The following HNRNPUL2 variants were observed in gnomAD, a reference collection of about 807,000 sequenced individuals.
HNRNPUL2 encodes the protein heterogeneous nuclear ribonucleoprotein U like 2.
HNRNPUL2 carries 27 observed loss-of-function variants against 102.2 expected under a neutral mutation model. The observed-to-expected ratio is 0.26, with a 90% CI of 0.19 to 0.36. The LOEUF is 0.36. HNRNPUL2 is among the 10% of genes least tolerant of loss of function. The pLI is 1.00. For synonymous variants in HNRNPUL2, 458 were observed against 387.2 expected (o/e 1.18, Z -2.15); for missense variants, 936 against 981.1 (o/e 0.95, Z 0.61).
In HNRNPUL2 at chr11:62,724,379, C is replaced by T; in HGVS notation, c.586G>A (p.Glu196Lys). 1.9e-6 allele frequency: 3 copies of T among 1,614,178 alleles called. No individual in the cohort carries two copies. The highest frequency in any genetic ancestry group is 2.5e-6 in the Non-Finnish European group (3 of 1,180,018). Residue 196 changes from glutamate (E) to lysine (K), a missense_variant, in exon 2 of 14, where the codon GAG (glutamate) becomes AAG (lysine). Around this residue, in one of 2 missense-constraint regions of HNRNPUL2, gnomAD observed 609 missense variants for 713.0 expected, o/e 0.85. Transcript: ENST00000301785. ...CGCTGTCTCTTTACCCCCCGCCGCT[C>T]ACCATCTGAGCCTGCTGGTTTTGAC... ...EKSKPAGSDGERRGVKRQRDE... is the reference protein window; with the variant it reads ...EKSKPAGSDGKRRGVKRQRDE...
Position 62,719,518 on chromosome 11 carries a change from T to C in HNRNPUL2, c.1780+505A>G, listed in dbSNP as rs902570589. On this transcript the variant is annotated intron_variant, in intron 10 of 13. Coordinates refer to ENST00000301785, the MANE Select transcript of HNRNPUL2 (RefSeq NM_001079559.3). ...TATTGCTTCTCTCTGTTCATTCATT[T>C]ATCTACAAGTGCTCACGACCATTAA... Among the ~76,000 whole-genome samples, 6 of 152,206 alleles carry C rather than the reference T, an allele frequency of 3.9e-5. No homozygotes were observed. The South Asian group carries it at 6.2e-4, about 16-fold the overall frequency.
chr11:62,721,951 A>G lies in HNRNPUL2; in HGVS notation c.1360-9T>C, dbSNP rs751294145. The G allele has an allele frequency of 3.1e-6, 5 of 1,612,594 alleles. No homozygotes were observed. In the African/African-American group the frequency reaches 6.7e-5, roughly 22 times the overall value. ...CCCACCATCAGAATCACCTGCAAAA[A>G]ACAGAACCAGAAATATAATGAAAAA... On this transcript the variant is annotated splice_polypyrimidine_tract_variant and intron_variant, in intron 7 of 13. Transcript: ENST00000301785.
At chr11:62,722,998 G>A (rs759809849) in intron 4 of HNRNPUL2, 95 bp from the exon 5 acceptor site, 29 of 834,826 alleles carry the variant, frequency 3.5e-5, no homozygotes, top group Middle Eastern at 2.5e-4. Flanking sequence ...AACTGAAAAC[G>A]ACATTTACCT....
intron 3 of HNRNPUL2, 49 bp from the exon 4 acceptor site, chr11:62,723,775 G>A: frequency 2.5e-6 from 4 of 1,612,072 alleles, no homozygotes; most frequent in Non-Finnish European, 3.4e-6. Flanking sequence ...ATACTTGTAA[G>A]CCGCCAACAG....
In HNRNPUL2 at chr11:62,713,674, G is replaced by C. The variant is rs959418725; in HGVS notation, c.*1625C>G. 2 of 152,298 alleles carry C rather than the reference G, an allele frequency of 1.3e-5. No homozygotes were observed. The highest frequency in any genetic ancestry group is 2.4e-5 in the African/African-American group (1 of 41,464). The allele number at this position is 152,298 out of a possible 1,614,324, so 9.4% of individuals were successfully genotyped here. On this transcript the variant is annotated 3_prime_UTR_variant, in exon 14 of 14. Transcript: ENST00000301785. ...GGGCTGCAGGGCAGTAACAGTGGGA[G>C]GAGGAGAGGAAGACCAAATCAGCCC...
At position 62,715,505 on chromosome 11, in the gene HNRNPUL2, G is replaced by T; in HGVS notation, c.2158C>A (p.Arg720=). 2 of 1,608,550 alleles carry T rather than the reference G, an allele frequency of 1.2e-6. No individual in the cohort carries two copies. The highest frequency in any genetic ancestry group is 1.7e-6 in the Non-Finnish European group (2 of 1,175,372). Residue 720 remains arginine, a synonymous_variant, in exon 13 of 14, where the codon CGG becomes AGG. Transcript: ENST00000301785. ...TATCCCAAGAAGATACTCACATCCC[G>T]ATTGTATTGTCTGTAATAGTCTCTG... ...RYRDYYRQYN[R]DWQSYYYHHP... is the part of the protein sequence containing the mutation.
intron 9 of HNRNPUL2, among the ~76,000 whole-genome samples, chr11:62,720,525 C>T (rs1054626342): frequency 1.3e-4 from 18 of 134,968 alleles, no homozygotes; most frequent in Admixed American, 9.1e-4. Context: ...GCCTGGGTGG[C>T]GGCTGAGCAA....
At chr11:62,720,247 C>T (rs1189620533) in intron 9 of HNRNPUL2, 56 bp from the exon 10 acceptor site, 4 of 1,558,758 alleles carry the variant, frequency 2.6e-6, no homozygotes, top group Non-Finnish European at 3.5e-6. Context: ...TCAGATTTAA[C>T]CAAAAGAATC....
In HNRNPUL2 at chr11:62,717,044, G is replaced by C. The variant is rs1185163799; in HGVS notation, c.1926C>G (p.Arg642=). ...LLPPSEKRTN[R]RNNRNKRNRQ... ...GGTTACGCTTGTTTCGGTTGTTTCG[G>C]CGATTTGTCCGCTTCTCGGAGGGGG... Residue 642 remains arginine, a synonymous_variant, in exon 11 of 14, where the codon CGC becomes CGG. Transcript: ENST00000301785. 1 of 1,613,962 alleles carries C rather than the reference G, an allele frequency of 6.2e-7. No individual in the cohort carries two copies. Among genetic ancestry groups the C allele is most frequent in the South Asian group, 1.1e-5 (1 of 91,056 alleles).
rs2134788648 is a variant in HNRNPUL2, at chr11:62,727,244, C to CGCCGCA, written c.-89_-88insTGCGGC. On this transcript the variant is annotated 5_prime_UTR_variant, in exon 1 of 14. Transcript: ENST00000301785. ...ACCGCGCAGGCGCCGCCGCCGCCGC[C>CGCCGCA]CGCCTCCGCCTCACGCGCCAGCACT... 1 of 1,300,652 alleles carries CGCCGCA rather than the reference C, an allele frequency of 7.7e-7. No homozygotes were observed. 80.6% of individuals were successfully genotyped at this position (1,300,652 alleles called of 1,614,324 possible).
intron 10 of HNRNPUL2, among the ~76,000 whole-genome samples, chr11:62,718,151 C>G (rs1212694735): frequency 6.6e-6 from 1 of 151,954 alleles, no homozygotes; most frequent in Non-Finnish European, 1.5e-5. Flanking sequence ...ATTTGAAGAG[C>G]AAGCAGTTGC....
intron 11 of HNRNPUL2, among the ~76,000 whole-genome samples, chr11:62,716,341 C>T (rs948698956): frequency 3.3e-5 from 5 of 152,208 alleles, no homozygotes; most frequent in African/African-American, 9.7e-5. Context: ...CTGTAATCAG[C>T]TCCTCAAGGG....
chr11:62,723,265 G>A (rs2083717952), intron 4 of HNRNPUL2, among the ~76,000 whole-genome samples: 1 of 152,236 alleles, frequency 6.6e-6, no homozygotes, highest in African/African-American at 2.4e-5. Context: ...GCCAAGACGG[G>A]CGGATCACCT....
chr11:62,720,487 T>G (rs1483855158), intron 9 of HNRNPUL2, among the ~76,000 whole-genome samples: 1 of 145,484 alleles, frequency 6.9e-6, no homozygotes, highest in African/African-American at 2.6e-5. Context: ...GTGGTTGCAG[T>G]GGGCTGAGAT....
chr11:62,722,246 T>C lies in HNRNPUL2; in HGVS notation c.1230A>G (p.Val410=). The C allele has an allele frequency of 6.2e-7, 1 of 1,614,176 alleles. No individual in the cohort carries two copies. Residue 410 remains valine (V), a synonymous_variant, in exon 7 of 14, where the codon GTA becomes GTG. Coordinates refer to ENST00000301785, the MANE Select transcript of HNRNPUL2 (RefSeq NM_001079559.3). The part of the protein sequence containing the change: ...LPHVLCKNCV[V]ELNFGQKEEP... ...CCTCCTTCTGACCGAAGTTTAATTCTACAACACAATTTTTGCAGAGGACAT... is the reference window on the plus strand; with the variant it reads ...CCTCCTTCTGACCGAAGTTTAATTCCACAACACAATTTTTGCAGAGGACAT...
chr11:62,722,160 C>T lies in HNRNPUL2; in HGVS notation c.1316G>A (p.Arg439His). 2 of 1,614,116 alleles carry T rather than the reference C, an allele frequency of 1.2e-6. No homozygotes were observed. Among genetic ancestry groups the T allele is most frequent in the Non-Finnish European group, 1.7e-6 (2 of 1,180,030 alleles). The change falls in exon 7 of 14, where the codon CGT becomes CAT. Residue 439 changes from arginine to histidine, a missense_variant. Physicochemically the swap from Arg to His is conservative, Grantham distance 29. Around this residue, in one of 2 missense-constraint regions of HNRNPUL2, gnomAD observed 609 missense variants for 713.0 expected, o/e 0.85. Transcript: ENST00000301785. Reference sequence around the variant, plus strand: ...CTTGGGAGGGACTGCAGTGCGTACACGCTCCTCAACAGGCACAGCATGAAT... The same window carrying T: ...CTTGGGAGGGACTGCAGTGCGTACATGCTCCTCAACAGGCACAGCATGAAT... Reference protein sequence around the residue: ...VFIHAVPVEERVRTAVPPKTI... With the variant: ...VFIHAVPVEEHVRTAVPPKTI...
At chr11:62,720,288 G>A (rs571228448) in intron 9 of HNRNPUL2, 97 bp from the exon 10 acceptor site, 7 of 1,188,598 alleles carry the variant, frequency 5.9e-6, no homozygotes, top group East Asian at 2.4e-5. Context: ...GCTCACGCCT[G>A]TAATCCTAGC....
Position 62,716,970 on chromosome 11 carries a change from G to A in HNRNPUL2, c.1981+19C>T, listed in dbSNP as rs1157744357. On this transcript the variant is annotated intron_variant, in intron 11 of 13. Coordinates refer to ENST00000301785, the MANE Select transcript of HNRNPUL2 (RefSeq NM_001079559.3). ...AAGAATGGACTGAAGTAGGGGGCTGGCAGGTCCCCAAGACTCACCATAGCC... is the reference window on the plus strand; with the variant it reads ...AAGAATGGACTGAAGTAGGGGGCTGACAGGTCCCCAAGACTCACCATAGCC... 3 of 1,611,500 alleles carry A rather than the reference G, an allele frequency of 1.9e-6. No homozygotes were observed. The Admixed American group carries it at 5.0e-5, about 27-fold the overall frequency.
At position 62,727,082 on chromosome 11, in the gene HNRNPUL2, G is replaced by A. The variant is rs1023376396; in HGVS notation, c.75C>T (p.Leu25=). The part of the protein sequence containing the change: ...LQRRGLDSRG[L]KVDLAQRLQE... ...GCAGCCGCTGCGCCAGATCCACCTT[G>A]AGGCCGCGCGAGTCCAGGCCCCGCC... Residue 25 remains leucine, a synonymous_variant, in exon 1 of 14, where the codon CTC becomes CTT. Coordinates refer to ENST00000301785, the MANE Select transcript of HNRNPUL2 (RefSeq NM_001079559.3). 56 of 1,444,264 alleles carry A rather than the reference G, an allele frequency of 3.9e-5. 1 individual carries two copies. Among genetic ancestry groups the A allele is most frequent in the Non-Finnish European group, 4.9e-5 (54 of 1,100,374 alleles). The allele number at this position is 1,444,264 out of a possible 1,614,324, so 89.5% of individuals were successfully genotyped here. A position where few individuals can be genotyped will look rare whatever the true frequency, so the allele number is the denominator to read the frequency against.
Sources: gnomAD v4.1 joint callset for allele counts (sites outside exome capture counted in the v4.1 genomes callset) on GRCh38, gnomAD v4.1.1 for gene constraint, gnomAD v4.1.1 regional missense constraint, MANE v1.5 for transcripts, NCBI Gene and HGNC (gene_info 2026-07-23, HGNC 2026-07-21) for gene names.